The following ZAP70 variants were observed in gnomAD, a reference collection of about 807,000 sequenced individuals.
The protein encoded by ZAP70 is tyrosine-protein kinase ZAP-70.
ZAP70 carries 27 observed loss-of-function variants against 65.8 expected under a neutral mutation model. That is an observed-to-expected ratio of 0.41 (90% CI 0.30 to 0.57). The LOEUF is 0.57. Ranked by LOEUF, ZAP70 falls within the 20% of genes least tolerant of loss-of-function variation. ZAP70 has a pLI of 0.28. For synonymous variants in ZAP70, 363 were observed against 360.8 expected (o/e 1.01, Z -0.07); for missense variants, 696 against 870.5 (o/e 0.80, Z 2.52).
At chr2:97,743,644 T>C (rs1183124657), downstream of ZAP70, among the ~76,000 whole-genome samples, 2 of 152,364 alleles carry the variant, frequency 1.3e-5, no homozygotes, top group East Asian at 3.9e-4. Context: ...CCTCCTGTTC[T>C]TGTTTATGGC....
chr2:97,722,612 A>G (rs1677206119), intron 2 of ZAP70, among the ~76,000 whole-genome samples: 1 of 152,230 alleles, frequency 6.6e-6, no homozygotes, highest in South Asian at 2.1e-4. Flanking sequence ...AAACTCACAA[A>G]AAAACAAGGT....
chr2:97,734,887 G>A, intron 9 of ZAP70, 175 bp downstream of exon 9: 4 of 899,504 alleles, frequency 4.4e-6, no homozygotes, highest in Middle Eastern at 3.3e-4. Flanking sequence ...CGGGACACCT[G>A]ACGGGGGTGG....
At chr2:97,741,941 C>A (rs1678140516), downstream of ZAP70, among the ~76,000 whole-genome samples, 2 of 152,196 alleles carry the variant, frequency 1.3e-5, no homozygotes, top group Admixed American at 1.3e-4. Context: ...CTGAGAGGGG[C>A]CAATCTGGTG....
chr2:97,730,605 G>C (rs1677560992), intron 4 of ZAP70, among the ~76,000 whole-genome samples: 1 of 152,198 alleles, frequency 6.6e-6, no homozygotes, highest in African/African-American at 2.4e-5. Context: ...TGTCCTGTTA[G>C]CAAGGCACAT....
At chr2:97,734,753 G>A in intron 9 of ZAP70, 41 bp downstream of exon 9, 1 of 1,608,910 alleles carries the variant, frequency 6.2e-7, no homozygotes. Context: ...CGCCGCCTGG[G>A]GCAGAGGGGA....
At chr2:97,735,004 T>C (rs1283135966) in intron 9 of ZAP70, 2 of 646,974 alleles carry the variant, frequency 3.1e-6, no homozygotes, top group South Asian at 1.9e-5. Context: ...AGGCTGCCCC[T>C]GGGGAGGGTG....
chr2:97,726,708 A>T (rs1486833141), intron 4 of ZAP70, among the ~76,000 whole-genome samples: 1 of 152,272 alleles, frequency 6.6e-6, no homozygotes, highest in Non-Finnish European at 1.5e-5. Context: ...ATACAGATTC[A>T]GATTTAGGCT....
At position 97,724,620 on chromosome 2, in the gene ZAP70, C is replaced by T. The variant is rs1055799226; in HGVS notation, c.402+182C>T. ...AAGGAGGCCTCAGAGGCAGGGGCTC[C>T]GTGGTGGCGGTCGCCTTCCGCAGGC... On this transcript the variant is annotated intron_variant, in intron 3 of 13. Transcript: ENST00000264972. 10 of 1,533,304 alleles carry T rather than the reference C, an allele frequency of 6.5e-6. No homozygotes were observed. The East Asian group carries it at 7.4e-5, about 11-fold the overall frequency. 95.0% of individuals were successfully genotyped at this position (1,533,304 alleles called of 1,614,324 possible).
At chr2:97,750,242 C>T in the ZAP70 span, among the ~76,000 whole-genome samples, 5 of 152,230 alleles carry the variant, frequency 3.3e-5, no homozygotes, top group South Asian at 1.0e-3. Flanking sequence ...CAACGCACCG[C>T]AGTTAAAGCA....
chr2:97,733,246 G>A, intron 6 of ZAP70, 34 bp downstream of exon 6: 1 of 1,609,614 alleles, frequency 6.2e-7, no homozygotes. Context: ...GGTGGGCGGG[G>A]GCGGCAGGAG....
intron 4 of ZAP70, among the ~76,000 whole-genome samples, chr2:97,730,906 T>A (rs1222522765): frequency 6.6e-6 from 1 of 151,800 alleles, no homozygotes; most frequent in Non-Finnish European, 1.5e-5. Flanking sequence ...ATACAAAAAA[T>A]TAGCTGGGCG....
In ZAP70 at chr2:97,724,122, T is replaced by G; in HGVS notation, c.86T>G (p.Met29Arg). Residue 29 changes from methionine (M) to arginine (R), a missense_variant, in exon 3 of 14, where the codon ATG becomes AGG. Physicochemically the swap from Met to Arg is moderately conservative, Grantham distance 91. This residue lies in a region of ZAP70 where 551 missense variants were observed against 630.0 expected (regional missense o/e 0.87). Transcript: ENST00000264972. ...GAGGAGCACCTGAAGCTGGCGGGCATGGCGGACGGGCTCTTCCTGCTGCGC... is the reference window on the plus strand; with the variant it reads ...GAGGAGCACCTGAAGCTGGCGGGCAGGGCGGACGGGCTCTTCCTGCTGCGC... ...EAEEHLKLAG[M>R]ADGLFLLRQC... 6.4e-7 allele frequency: 1 copy of G among 1,570,076 alleles called. No individual in the cohort carries two copies. Among genetic ancestry groups the G allele is most frequent in the East Asian group, 2.3e-5 (1 of 42,774 alleles).
downstream of ZAP70, among the ~76,000 whole-genome samples, chr2:97,742,877 A>G (rs960112928): frequency 6.6e-6 from 1 of 152,228 alleles, no homozygotes; most frequent in Non-Finnish European, 1.5e-5. Flanking sequence ...AGGCAACTCT[A>G]TTGGCAGCTT....
At position 97,737,454 on chromosome 2, in the gene ZAP70, G is replaced by A. The variant is rs749947670; in HGVS notation, c.1290-19G>A. 22 of 1,613,754 alleles carry A rather than the reference G, an allele frequency of 1.4e-5. 1 individual carries two copies. Among genetic ancestry groups the A allele is most frequent in the South Asian group, 1.1e-4 (10 of 91,062 alleles). ...GGCTAGTCTTCTCCCAGCTGACCCC[G>A]CCTTCCCCGCCACCCCAGGGAGGAG... On this transcript the variant is annotated intron_variant, in intron 10 of 13. Transcript: ENST00000264972. This position sits in a 1 kb window ranked among gnomAD's most constrained non-coding sequence, Gnocchi z 5.0.
At chr2:97,714,943 A>G (rs1219212621) in intron 2 of ZAP70, among the ~76,000 whole-genome samples, 1 of 152,066 alleles carries the variant, frequency 6.6e-6, no homozygotes, top group Non-Finnish European at 1.5e-5. Context: ...GCCACTCACC[A>G]GCTGTGTGAC....
At chr2:97,747,767 CCTG>C in the ZAP70 span, among the ~76,000 whole-genome samples, 1 of 145,874 alleles carries the variant, frequency 6.9e-6, no homozygotes, top group Non-Finnish European at 1.5e-5. Context: ...GTGAAAAAAT[CCTG>C]CTGTCAGAAG....
At chr2:97,738,364 C>T (rs2104706074) in intron 13 of ZAP70, 2 of 557,310 alleles carry the variant, frequency 3.6e-6, no homozygotes, top group East Asian at 6.2e-5. Flanking sequence ...TCAGCCATCA[C>T]TCAACACATG....
chr2:97,718,455 T>A (rs1677033125), intron 2 of ZAP70, among the ~76,000 whole-genome samples: 1 of 151,976 alleles, frequency 6.6e-6, no homozygotes, highest in South Asian at 2.1e-4. Flanking sequence ...GGGCCCCATG[T>A]TTTACTAGTG....
At chr2:97,754,233 A>C in the ZAP70 span, among the ~76,000 whole-genome samples, 1,909 of 152,216 alleles carry the variant, frequency 0.013, 37 homozygotes, top group African/African-American at 0.043. Flanking sequence ...TCTTCTCCCA[A>C]GTACACAGTG....
Sources: allele counts gnomAD v4.1 joint callset (sites outside exome capture counted in the v4.1 genomes callset), GRCh38; gene constraint gnomAD v4.1.1; regional missense constraint gnomAD v4.1.1; non-coding constraint Gnocchi (gnomAD v3.1); transcripts MANE v1.5; gene names NCBI Gene and HGNC (gene_info 2026-07-23, HGNC 2026-07-21).